METTL2A: variants seen among roughly 807,000 people sequenced by gnomAD.
The protein encoded by METTL2A is methyltransferase 2A, tRNA N3-cytidine, also known as tRNA N(3)-cytidine methyltransferase METTL2A.
In METTL2A, 45 loss-of-function variants were observed where a neutral mutation model predicts 49.4. The observed-to-expected ratio is 0.91, with a 90% CI of 0.72 to 1.17. The LOEUF (loss-of-function observed/expected upper bound fraction) is 1.17. Ranked by LOEUF, METTL2A falls within the 50% of genes most tolerant of loss-of-function variation. The pLI, the probability that METTL2A is intolerant of heterozygous loss-of-function variation, is 0.00. For synonymous variants in METTL2A, 118 were observed against 167.5 expected, an observed-to-expected ratio of 0.70 and a Z score of 2.28; for missense variants, 361 against 462.2, an observed-to-expected ratio of 0.78 and a Z score of 2.01.
intron 7 of METTL2A, among the ~76,000 whole-genome samples, chr17:62,445,578 C>T (rs1222223017): frequency 3.3e-5 from 5 of 152,084 alleles, no homozygotes; most frequent in Non-Finnish European, 5.9e-5. Flanking sequence ...GTGGGTGGAT[C>T]GCCTGAGTTC....
At chr17:62,438,962 A>G (rs2070719321) in intron 5 of METTL2A, among the ~76,000 whole-genome samples, 1 of 139,540 alleles carries the variant, frequency 7.2e-6, no homozygotes, top group African/African-American at 2.8e-5. Flanking sequence ...ACATGCCACC[A>G]CACTTGGCTA....
rs1183554590 is a variant in METTL2A, at chr17:62,436,976, G to C, written c.669+1684G>C. On this transcript the variant is annotated intron_variant, in intron 5 of 8. Coordinates refer to ENST00000311506, the MANE Select transcript of METTL2A (RefSeq NM_181725.4). Reference sequence around the variant, plus strand: ...TGTTCATAGCATCTTTACTGGAGTAGATTTGATCTCAATAAACCACTTTCT... The same window carrying C: ...TGTTCATAGCATCTTTACTGGAGTACATTTGATCTCAATAAACCACTTTCT... Among the ~76,000 whole-genome samples the C allele has an allele frequency of 2.6e-5, 4 of 151,988 alleles. No individual in the cohort carries two copies. In the South Asian group the frequency reaches 6.2e-4, roughly 24 times the overall value.
At chr17:62,425,412 G>A (rs1369120350) in intron 2 of METTL2A, among the ~76,000 whole-genome samples, 1 of 20,424 alleles carries the variant, frequency 4.9e-5, no homozygotes, top group East Asian at 1.9e-3. Context: ...TTTGGAGATG[G>A]AGTCTCGCTC....
intron 4 of METTL2A, among the ~76,000 whole-genome samples, chr17:62,429,193 A>G (rs2144137519): frequency 6.6e-6 from 1 of 152,338 alleles, no homozygotes; most frequent in South Asian, 2.1e-4. Flanking sequence ...TATTCAGGAC[A>G]TTGGTGGGTG....
intron 4 of METTL2A, among the ~76,000 whole-genome samples, chr17:62,431,080 G>A (rs2070661647): frequency 6.6e-6 from 1 of 151,712 alleles, no homozygotes; most frequent in African/African-American, 2.4e-5. Flanking sequence ...GGTCAGGCTG[G>A]TTTCGAACTC....
chr17:62,425,507 C>G (rs2070618155), intron 2 of METTL2A, among the ~76,000 whole-genome samples: 1 of 148,422 alleles, frequency 6.7e-6, no homozygotes, highest in South Asian at 2.1e-4. Context: ...CTGCCTCAGC[C>G]TCCCTAGTAG....
In METTL2A at chr17:62,450,247, C is replaced by CATTTTTTTTTTTTT. The variant is rs1396756918; in HGVS notation, c.*1518_*1519insATTTTTTTTTTTTT. ...TGTGATCATTATCAGTGTTAGATGC[C>CATTTTTTTTTTTTT]TTTTTTTTTTTTTTTTTTTTTTTTT... On this transcript the variant is annotated 3_prime_UTR_variant, in exon 9 of 9. Transcript: ENST00000311506. The CATTTTTTTTTTTTT allele has an allele frequency of 2.5e-5, 2 of 80,540 alleles. 1 individual carries two copies. The highest frequency in any genetic ancestry group is 4.2e-5 in the Non-Finnish European group (2 of 47,276). 5.0% of individuals were successfully genotyped at this position (80,540 alleles called of 1,614,324 possible).
rs2070792423 is a variant in METTL2A, at chr17:62,449,583, T to C, written c.*854T>C. 3.2e-6 allele frequency: 1 copy of C among 315,738 alleles called. No individual in the cohort carries two copies. Among genetic ancestry groups the C allele is most frequent in the Non-Finnish European group, 6.1e-6 (1 of 163,140 alleles). The allele number at this position is 315,738 out of a possible 1,614,324, so 19.6% of individuals were successfully genotyped here. On this transcript the variant is annotated 3_prime_UTR_variant, in exon 9 of 9. Coordinates refer to ENST00000311506, the MANE Select transcript of METTL2A (RefSeq NM_181725.4). Reference sequence around the variant, plus strand: ...AAAATTAGCTGAGTGTGTTGGTGGGTGCCTGTAATCCAGCTACTTGGGAGA... The same window carrying C: ...AAAATTAGCTGAGTGTGTTGGTGGGCGCCTGTAATCCAGCTACTTGGGAGA...
At chr17:62,432,567 A>C (rs2144141090) in intron 4 of METTL2A, among the ~76,000 whole-genome samples, 1 of 152,286 alleles carries the variant, frequency 6.6e-6, no homozygotes, top group South Asian at 2.1e-4. Context: ...TGGGAGGCCA[A>C]GACGGGCAGA....
intron 5 of METTL2A, among the ~76,000 whole-genome samples, chr17:62,439,902 C>G (rs2070727248): frequency 6.6e-6 from 1 of 152,090 alleles, no homozygotes; most frequent in Non-Finnish European, 1.5e-5. Flanking sequence ...ATTTTAAAAG[C>G]AACTATTAGA....
At chr17:62,424,375 G>A in intron 2 of METTL2A, 65 bp downstream of exon 2, 1 of 1,603,500 alleles carries the variant, frequency 6.2e-7, no homozygotes, top group Non-Finnish European at 8.5e-7. Flanking sequence ...CCCTCCCGGA[G>A]AGGCCAGGGA....
At chr17:62,446,673 C>T (rs2070771220) in intron 7 of METTL2A, among the ~76,000 whole-genome samples, 1 of 152,134 alleles carries the variant, frequency 6.6e-6, no homozygotes, top group African/African-American at 2.4e-5. Context: ...TGAATATAGT[C>T]AAGAACTAGC....
At chr17:62,445,144 G>C (rs2070760758) in intron 7 of METTL2A, among the ~76,000 whole-genome samples, 1 of 151,918 alleles carries the variant, frequency 6.6e-6, no homozygotes, top group East Asian at 1.9e-4. Flanking sequence ...GGTCTGTCTG[G>C]GGGTGAGGGG....
chr17:62,429,456 A>G (rs2070650223), intron 4 of METTL2A, among the ~76,000 whole-genome samples: 1 of 151,636 alleles, frequency 6.6e-6, no homozygotes. Context: ...ACACACAACT[A>G]ATTTTTATAT....
At chr17:62,441,973 C>T (rs2070741622) in intron 6 of METTL2A, among the ~76,000 whole-genome samples, 1 of 151,854 alleles carries the variant, frequency 6.6e-6, no homozygotes, top group South Asian at 2.1e-4. Context: ...GTCTCAAACT[C>T]CTGACCTCAT....
chr17:62,425,389 C>CTTTTTT (rs746253160), intron 2 of METTL2A, among the ~76,000 whole-genome samples: 4 of 78,218 alleles, frequency 5.1e-5, no homozygotes, highest in African/African-American at 2.1e-4. Flanking sequence ...ACTGTCCATA[C>CTTTTTT]TTTTTTTTTT....
At chr17:62,437,903 C>T (rs929559504) in intron 5 of METTL2A, among the ~76,000 whole-genome samples, 10 of 151,342 alleles carry the variant, frequency 6.6e-5, no homozygotes, top group African/African-American at 1.5e-4. Flanking sequence ...ACCCAGGAGG[C>T]GGAGGTTGCA....
intron 5 of METTL2A, among the ~76,000 whole-genome samples, chr17:62,435,551 C>T (rs184271874): frequency 1.3e-5 from 2 of 152,310 alleles, no homozygotes; most frequent in East Asian, 3.9e-4. Context: ...ATTTCTCCAC[C>T]ACCATATGCT....
chr17:62,447,372 G>A (rs1023177901), intron 7 of METTL2A, among the ~76,000 whole-genome samples: 2 of 151,956 alleles, frequency 1.3e-5, no homozygotes, highest in African/African-American at 4.8e-5. Flanking sequence ...GTGATCCGAG[G>A]TCACGCCATT....
Sources: gnomAD v4.1 joint callset for allele counts (sites outside exome capture counted in the v4.1 genomes callset) on GRCh38, gnomAD v4.1.1 for gene constraint, MANE v1.5 for transcripts, NCBI Gene and HGNC (gene_info 2026-07-23, HGNC 2026-07-21) for gene names.